PDZD8: variants seen among roughly 807,000 people sequenced by gnomAD.
The protein encoded by PDZD8 is PDZ domain containing 8.
A neutral mutation model predicts 85.8 loss-of-function variants in PDZD8; 14 were observed. That is an observed-to-expected ratio of 0.16 (90% confidence interval 0.11 to 0.26). The LOEUF is 0.26. Among genes scored for constraint, PDZD8 ranks in the 10% least tolerant of loss-of-function variants. PDZD8 has a pLI of 1.00. For synonymous variants in PDZD8, 592 were observed against 568.6 expected, an observed-to-expected ratio of 1.04 and a Z score of -0.59; for missense variants, 1,197 against 1,424.3, an observed-to-expected ratio of 0.84 and a Z score of 2.57.
chr10:117,337,451 A>C (rs1461983729), intron 2 of PDZD8, among the ~76,000 whole-genome samples: 1 of 152,240 alleles, frequency 6.6e-6, no homozygotes, highest in Non-Finnish European at 1.5e-5. Flanking sequence ...TTTAAAAAAT[A>C]CTTGACAAAA....
intron 1 of PDZD8, among the ~76,000 whole-genome samples, chr10:117,366,206 T>C (rs1260309024): frequency 2.0e-5 from 3 of 152,184 alleles, no homozygotes; most frequent in African/African-American, 7.2e-5. Context: ...ATGTTAGTTT[T>C]AGTTATGTTT....
At chr10:117,297,676 T>C (rs1843779282) in intron 3 of PDZD8, among the ~76,000 whole-genome samples, 1 of 152,128 alleles carries the variant, frequency 6.6e-6, no homozygotes, top group South Asian at 2.1e-4. Flanking sequence ...GTAAAAAACA[T>C]ACTATTTTCA....
chr10:117,288,204 TATC>T (rs1844698062), intron 4 of PDZD8, among the ~76,000 whole-genome samples: 1 of 152,182 alleles, frequency 6.6e-6, no homozygotes, highest in South Asian at 2.1e-4. Context: ...TTATTTCAAC[TATC>T]ATCAATTATA....
chr10:117,305,116 T>G (rs186335135), intron 3 of PDZD8, among the ~76,000 whole-genome samples: 1 of 152,170 alleles, frequency 6.6e-6, no homozygotes, highest in East Asian at 1.9e-4. Flanking sequence ...AACTGTATAA[T>G]AAAAAAGTAT....
intron 1 of PDZD8, among the ~76,000 whole-genome samples, chr10:117,367,531 TAA>T (rs1845111533): frequency 6.6e-6 from 1 of 152,246 alleles, no homozygotes; most frequent in African/African-American, 2.4e-5. Flanking sequence ...ATTCTCCATC[TAA>T]AGTGTTTTAA....
intron 1 of PDZD8, among the ~76,000 whole-genome samples, chr10:117,348,438 G>C (rs969943752): frequency 2.0e-5 from 3 of 152,138 alleles, no homozygotes; most frequent in Non-Finnish European, 4.4e-5. Flanking sequence ...TCTAGTAAAT[G>C]CTAGAGCCAA....
chr10:117,360,320 T>C (rs536877192), intron 1 of PDZD8, among the ~76,000 whole-genome samples: 2 of 152,204 alleles, frequency 1.3e-5, no homozygotes, highest in Non-Finnish European at 2.9e-5. Flanking sequence ...TATCTTCTTA[T>C]GTTCATCACA....
intron 1 of PDZD8, among the ~76,000 whole-genome samples, chr10:117,372,537 G>T (rs1031732461): frequency 1.3e-5 from 2 of 152,180 alleles, no homozygotes; most frequent in East Asian, 3.8e-4. Context: ...AGTTGTGATA[G>T]AATACCAAAA....
chr10:117,299,111 G>T (rs1232649399), intron 3 of PDZD8, among the ~76,000 whole-genome samples: 2 of 152,056 alleles, frequency 1.3e-5, no homozygotes, highest in African/African-American at 2.4e-5. Flanking sequence ...TATTCCAAAA[G>T]ATAACCTACA....
chr10:117,333,118 A>AAAAAAAAAAAAC (rs1844453488), intron 2 of PDZD8, among the ~76,000 whole-genome samples: 1 of 97,552 alleles, frequency 1.0e-5, no homozygotes, highest in Non-Finnish European at 2.0e-5. Context: ...ACTCTGTCTC[A>AAAAAAAAAAAAC]AAAAAAAAAA....
chr10:117,369,360 T>C (rs1240978999), intron 1 of PDZD8, among the ~76,000 whole-genome samples: 1 of 151,944 alleles, frequency 6.6e-6, no homozygotes, highest in Non-Finnish European at 1.5e-5. Flanking sequence ...GGTTTCGCCA[T>C]GTTGACCAGG....
intron 3 of PDZD8, among the ~76,000 whole-genome samples, chr10:117,308,814 T>C (rs371790021): frequency 5.3e-5 from 8 of 152,232 alleles, no homozygotes; most frequent in Middle Eastern, 3.4e-3. Flanking sequence ...ATAATAATAG[T>C]GCCTATTATT....
intron 2 of PDZD8, among the ~76,000 whole-genome samples, chr10:117,331,043 CAAATTA>C (rs527950042): frequency 4.5e-4 from 69 of 152,162 alleles, no homozygotes; most frequent in Non-Finnish European, 8.4e-4. Context: ...AGCCTCAATT[CAAATTA>C]GACAGCCTCA....
intron 1 of PDZD8, among the ~76,000 whole-genome samples, chr10:117,356,838 T>C (rs1589590208): frequency 6.6e-6 from 1 of 152,216 alleles, no homozygotes; most frequent in Non-Finnish European, 1.5e-5. Context: ...AATGAGTTCA[T>C]GTTGGCCTCC....
In PDZD8 at chr10:117,344,790, C is replaced by T. The variant is rs74424260; in HGVS notation, c.873-3688G>A. Reference sequence around the variant, plus strand: ...GGAAGAGGAGGATAGGAACATTTCTCATCTAGCCTCCAGTCACCTGTTACT... The same window carrying T: ...GGAAGAGGAGGATAGGAACATTTCTTATCTAGCCTCCAGTCACCTGTTACT... On this transcript the variant is annotated intron_variant, in intron 1 of 4. Transcript: ENST00000334464. Among the ~76,000 whole-genome samples the T allele has an allele frequency of 3.3e-3, 496 of 152,312 alleles. 11 individuals are homozygous for T. In the East Asian group the frequency reaches 0.058, roughly 18 times the overall value.
chr10:117,297,008 T>C (rs1002963417), intron 3 of PDZD8, among the ~76,000 whole-genome samples: 1 of 152,060 alleles, frequency 6.6e-6, no homozygotes, highest in Non-Finnish European at 1.5e-5. Context: ...AAGCCATAGA[T>C]TAGGAGAAAA....
chr10:117,354,739 C>T (rs376154807), intron 1 of PDZD8, among the ~76,000 whole-genome samples: 10 of 152,206 alleles, frequency 6.6e-5, no homozygotes, highest in Non-Finnish European at 1.2e-4. Flanking sequence ...TGCTTTCAGT[C>T]GGAAAGTTTT....
At chr10:117,364,968 C>A (rs1257435153) in intron 1 of PDZD8, among the ~76,000 whole-genome samples, 1 of 151,796 alleles carries the variant, frequency 6.6e-6, no homozygotes, top group Non-Finnish European at 1.5e-5. Flanking sequence ...GAGAGAGGCA[C>A]CTCCTCAATA....
chr10:117,290,421 A>G, intron 3 of PDZD8, 73 bp from the exon 4 acceptor site: 2 of 1,233,292 alleles, frequency 1.6e-6, no homozygotes, highest in Non-Finnish European at 2.3e-6. Context: ...ACAGTAACAG[A>G]CTGTTATGTG....
Sources: gnomAD v4.1 joint callset for allele counts (sites outside exome capture counted in the v4.1 genomes callset) on GRCh38, gnomAD v4.1.1 for gene constraint, MANE v1.5 for transcripts, NCBI Gene and HGNC (gene_info 2026-07-23, HGNC 2026-07-21) for gene names.